Variants in SMPD3 observed in about 807,000 individuals in gnomAD.
SMPD3 encodes nSMase-2.
Under a neutral mutation model 55.7 loss-of-function variants are expected in SMPD3, and 21 were observed. That is an observed-to-expected ratio of 0.38 (90% CI 0.27 to 0.54). The LOEUF is 0.54. Among genes scored for constraint, SMPD3 ranks in the 20% least tolerant of loss-of-function variants. SMPD3 has a pLI of 0.80. For missense variants in SMPD3, 842 were observed against 899.6 expected, an observed-to-expected ratio of 0.94 and a Z score of 0.82; for synonymous variants, 457 against 404.3, an observed-to-expected ratio of 1.13 and a Z score of -1.56.
intron 1 of SMPD3, among the ~76,000 whole-genome samples, chr16:68,418,066 C>G (rs1445610417): frequency 1.3e-5 from 2 of 152,202 alleles, no homozygotes; most frequent in African/African-American, 4.8e-5. Context: ...ATCCTGTGCT[C>G]TCAAGAAAGT....
intron 1 of SMPD3, among the ~76,000 whole-genome samples, chr16:68,415,950 C>T (rs2090335680): frequency 6.6e-6 from 1 of 152,090 alleles, no homozygotes; most frequent in South Asian, 2.1e-4. Context: ...GTCCAACGGC[C>T]TGATTTAGTA....
In SMPD3 at chr16:68,442,995, T is replaced by C. The variant is rs763427212; in HGVS notation, c.-269+5358A>G. On this transcript the variant is annotated intron_variant, in intron 1 of 8. Coordinates refer to ENST00000219334, the MANE Select transcript of SMPD3 (RefSeq NM_018667.4). ...CTCAGCTTGATATGAAGAATTTTTC[T>C]TAAAAGTCTAACCCCTTATCTGAGT... 2.6e-4 allele frequency among the ~76,000 whole-genome samples: 39 copies of C among 152,232 alleles called. 1 individual carries two copies. Among genetic ancestry groups the C allele is most frequent in the Non-Finnish European group, 2.6e-4 (18 of 68,040 alleles).
chr16:68,442,117 A>G (rs2090571419), intron 1 of SMPD3, among the ~76,000 whole-genome samples: 2 of 152,196 alleles, frequency 1.3e-5, no homozygotes, highest in African/African-American at 2.4e-5. Flanking sequence ...AAAGAAGCCT[A>G]TGTTAACGGA....
chr16:68,369,242 A>T (rs1300665379), intron 3 of SMPD3: 1 of 143,152 alleles, frequency 7.0e-6, no homozygotes, highest in East Asian at 2.1e-4. Flanking sequence ...AAAATTGGTC[A>T]ATACAAAAAA....
intron 1 of SMPD3, among the ~76,000 whole-genome samples, chr16:68,424,868 G>T (rs2090423591): frequency 6.6e-6 from 1 of 152,118 alleles, no homozygotes; most frequent in African/African-American, 2.4e-5. Flanking sequence ...ACATCACCAT[G>T]CCTGGCTAAT....
intron 1 of SMPD3, among the ~76,000 whole-genome samples, chr16:68,425,284 G>T (rs1485282290): frequency 2.0e-5 from 3 of 152,242 alleles, no homozygotes; most frequent in African/African-American, 7.2e-5. Flanking sequence ...GTGCACCGAA[G>T]TCAAGGCTGG....
intron 1 of SMPD3, among the ~76,000 whole-genome samples, chr16:68,436,141 C>A (rs1250851773): frequency 6.6e-6 from 1 of 152,190 alleles, no homozygotes; most frequent in African/African-American, 2.4e-5. Context: ...GTCAAGATAG[C>A]CACTGCCAAA....
chr16:68,365,142 G>A, intron 3 of SMPD3, 50 bp from the exon 4 acceptor site: 1 of 1,588,966 alleles, frequency 6.3e-7, no homozygotes, highest in Non-Finnish European at 8.6e-7. Context: ...CTGTGGCCCT[G>A]AGAGCACAGG....
chr16:68,411,903 C>G (rs1294668122), intron 1 of SMPD3, among the ~76,000 whole-genome samples: 1 of 152,018 alleles, frequency 6.6e-6, no homozygotes, highest in Non-Finnish European at 1.5e-5. Flanking sequence ...AGGAGAAATC[C>G]AGGAGTCTGG....
At chr16:68,377,948 G>A (rs2089860306) in intron 2 of SMPD3, among the ~76,000 whole-genome samples, 1 of 152,226 alleles carries the variant, frequency 6.6e-6, no homozygotes, top group Admixed American at 6.5e-5. Flanking sequence ...TGAGCCCGGG[G>A]GAGCTTCTGG....
At position 68,447,072 on chromosome 16, in the gene SMPD3, G is replaced by A. The variant is rs1448119945; in HGVS notation, c.-269+1281C>T. The stretch of plus-strand genomic sequence containing the variant: ...CGTTTCCGTGGAAGCTGCCCGCGCC[G>A]CGCCCGAAGCCCCCCCTCCGCGGCC... On this transcript the variant is annotated intron_variant, in intron 1 of 8. Coordinates refer to ENST00000219334, the MANE Select transcript of SMPD3 (RefSeq NM_018667.4). This position sits in a 1 kb window ranked among gnomAD's most constrained non-coding sequence, Gnocchi z 5.1. Among the ~76,000 whole-genome samples the A allele has an allele frequency of 6.6e-6, 1 of 151,760 alleles. No individual in the cohort carries two copies. The highest frequency in any genetic ancestry group is 1.9e-4 in the East Asian group (1 of 5,142).
intron 1 of SMPD3, among the ~76,000 whole-genome samples, chr16:68,405,914 T>G (rs2090251323): frequency 6.6e-6 from 1 of 152,150 alleles, no homozygotes; most frequent in Non-Finnish European, 1.5e-5. Flanking sequence ...AACCCCAGAC[T>G]TAGTACCAGC....
At chr16:68,443,619 G>A (rs143782700) in intron 1 of SMPD3, among the ~76,000 whole-genome samples, 1 of 152,106 alleles carries the variant, frequency 6.6e-6, no homozygotes, top group Non-Finnish European at 1.5e-5. Context: ...TGGTCATGAA[G>A]GTCATTATAC....
At chr16:68,369,656 A>G (rs534306647) in intron 3 of SMPD3, 14 of 152,290 alleles carry the variant, frequency 9.2e-5, no homozygotes, top group South Asian at 6.2e-4. Flanking sequence ...GGTTGGATCT[A>G]TCTGTCAGGA....
At chr16:68,361,495 A>G (rs2151968937) in intron 8 of SMPD3, 108 bp downstream of exon 8, 2 of 1,488,400 alleles carry the variant, frequency 1.3e-6, no homozygotes, top group Non-Finnish European at 1.8e-6. Context: ...GTATCATTGT[A>G]AGAGTGGCCT....
intron 1 of SMPD3, among the ~76,000 whole-genome samples, chr16:68,400,863 C>A (rs1403620400): frequency 6.6e-6 from 1 of 152,256 alleles, no homozygotes; most frequent in African/African-American, 2.4e-5. Context: ...TACATGGCAA[C>A]TTCTGGCCAG....
At chr16:68,423,920 G>A (rs2090415753) in intron 1 of SMPD3, among the ~76,000 whole-genome samples, 1 of 152,070 alleles carries the variant, frequency 6.6e-6, no homozygotes, top group Non-Finnish European at 1.5e-5. Flanking sequence ...GCAGAGCAGT[G>A]CTGGGGAGAT....
chr16:68,423,410 G>A (rs2090411773), intron 1 of SMPD3, among the ~76,000 whole-genome samples: 1 of 152,190 alleles, frequency 6.6e-6, no homozygotes, highest in East Asian at 1.9e-4. Flanking sequence ...AGGTAGTTAG[G>A]GTGGGGATCC....
intron 1 of SMPD3, among the ~76,000 whole-genome samples, chr16:68,392,697 C>T (rs2090122469): frequency 6.6e-6 from 1 of 151,936 alleles, no homozygotes; most frequent in South Asian, 2.1e-4. Context: ...TCTGTTTCTA[C>T]TAAAAAGACA....
Sources: allele counts gnomAD v4.1 joint callset (sites outside exome capture counted in the v4.1 genomes callset), GRCh38; gene constraint gnomAD v4.1.1; non-coding constraint Gnocchi (gnomAD v3.1); transcripts MANE v1.5; gene names NCBI Gene and HGNC (gene_info 2026-07-23, HGNC 2026-07-21).